NELL2: variants seen among roughly 807,000 people sequenced by gnomAD.
NELL2 encodes neural EGFL like 2, also known as protein kinase C-binding protein NELL2.
In NELL2, 41 loss-of-function variants were observed where a neutral mutation model predicts 109.6. The ratio of observed to expected loss-of-function variants is 0.37; its 90% CI spans 0.29 to 0.49. The LOEUF is 0.49. Ranked by LOEUF, NELL2 falls within the 20% of genes least tolerant of loss-of-function variation. The pLI is 0.98. For synonymous variants in NELL2, 355 were observed against 344.7 expected, an observed-to-expected ratio of 1.03 and a Z score of -0.33; for missense variants, 900 against 1,008.3, an observed-to-expected ratio of 0.89 and a Z score of 1.45.
chr12:44,570,523 T>A (rs138129719), intron 15 of NELL2, among the ~76,000 whole-genome samples: 10 of 152,324 alleles, frequency 6.6e-5, no homozygotes, highest in Non-Finnish European at 2.9e-5. Context: ...GATGTATGCA[T>A]CAATCCTTTT....
chr12:44,904,141 ACT>A (rs1945694121), intron 1 of NELL2, among the ~76,000 whole-genome samples: 1 of 152,040 alleles, frequency 6.6e-6, no homozygotes, highest in Admixed American at 6.6e-5. Flanking sequence ...AATGTCTATG[ACT>A]CTTTTGGATC....
At chr12:44,699,691 T>C (rs1477395268) in intron 12 of NELL2, among the ~76,000 whole-genome samples, 4 of 152,166 alleles carry the variant, frequency 2.6e-5, no homozygotes, top group Non-Finnish European at 5.9e-5. Flanking sequence ...TCACTATTGC[T>C]GTCCTCAATG....
At chr12:44,590,934 C>A (rs560635008) in intron 15 of NELL2, among the ~76,000 whole-genome samples, 13 of 148,338 alleles carry the variant, frequency 8.8e-5, no homozygotes, top group South Asian at 4.3e-4. Flanking sequence ...CAGAAAAAAA[C>A]CAAATACTCC....
chr12:44,545,820 C>T (rs1234305503), intron 15 of NELL2, among the ~76,000 whole-genome samples: 4 of 152,102 alleles, frequency 2.6e-5, no homozygotes, highest in Non-Finnish European at 5.9e-5. Flanking sequence ...ATTAAGTAGA[C>T]TGCTCTTAAT....
At position 44,508,698 on chromosome 12, in the gene NELL2, T is replaced by C. The variant is rs533405585; in HGVS notation, c.*236A>G. 1 of 520,956 alleles carries C rather than the reference T, an allele frequency of 1.9e-6. No homozygotes were observed. The highest frequency in any genetic ancestry group is 1.9e-5 in the African/African-American group (1 of 51,508). The allele number at this position is 520,956 out of a possible 1,614,324, so 32.3% of individuals were successfully genotyped here. A position where few individuals can be genotyped will look rare whatever the true frequency, so the allele number is the denominator to read the frequency against. On this transcript the variant is annotated 3_prime_UTR_variant, in exon 20 of 20. Transcript: ENST00000429094. ...CACGGTATATACTGTACGCCCATTC[T>C]TCTACATGGTGATGTGAGACACAGT... is the stretch of plus-strand genomic sequence containing the variant.
At chr12:44,664,409 T>A (rs1947851830) in intron 13 of NELL2, among the ~76,000 whole-genome samples, 1 of 152,080 alleles carries the variant, frequency 6.6e-6, no homozygotes, top group Non-Finnish European at 1.5e-5. Flanking sequence ...CATCATTTTG[T>A]TTTTATAAAT....
At chr12:44,571,994 T>C (rs146566279) in intron 15 of NELL2, among the ~76,000 whole-genome samples, 23 of 152,278 alleles carry the variant, frequency 1.5e-4, no homozygotes, top group African/African-American at 5.5e-4. Flanking sequence ...AGAGAAATCA[T>C]AGCAAAACGT....
intron 12 of NELL2, among the ~76,000 whole-genome samples, chr12:44,672,491 C>T (rs1055345605): frequency 6.6e-6 from 1 of 152,168 alleles, no homozygotes; most frequent in Admixed American, 6.5e-5. Context: ...AATTGTGTTC[C>T]ACAAAACCAG....
intron 2 of NELL2, among the ~76,000 whole-genome samples, chr12:44,867,690 C>T (rs571127215): frequency 6.6e-6 from 1 of 152,274 alleles, no homozygotes; most frequent in Non-Finnish European, 1.5e-5. Flanking sequence ...TAACTTATCC[C>T]TGCTTGCATT....
intron 2 of NELL2, among the ~76,000 whole-genome samples, chr12:44,841,344 C>T (rs1374927201): frequency 6.6e-6 from 1 of 152,192 alleles, no homozygotes; most frequent in East Asian, 1.9e-4. Flanking sequence ...AAGAATCTAA[C>T]TAACTGGCAA....
chr12:44,836,987 C>T (rs574084584), intron 2 of NELL2, among the ~76,000 whole-genome samples: 11 of 152,200 alleles, frequency 7.2e-5, no homozygotes, highest in South Asian at 4.2e-4. Context: ...CGACCACTAC[C>T]GTCATAAACA....
chr12:44,911,567 A>G (rs1274559015), intron 1 of NELL2, among the ~76,000 whole-genome samples: 1 of 151,986 alleles, frequency 6.6e-6, no homozygotes, highest in Non-Finnish European at 1.5e-5. Context: ...CAAAATTCGT[A>G]TGGGCATCTG....
intron 1 of NELL2, chr12:44,881,942 T>A (rs1448018418): frequency 6.6e-6 from 1 of 151,860 alleles, no homozygotes. Flanking sequence ...TTTGAATGAA[T>A]GCAAACCATG....
At position 44,530,099 on chromosome 12, in the gene NELL2, G is replaced by A. The variant is rs186937230; in HGVS notation, c.1804+2482C>T. The stretch of plus-strand genomic sequence containing the variant: ...AGGATGAGATGCAAGATACAATGAT[G>A]AGTTTGATTTTTGATAGGAGCAGGG... On this transcript the variant is annotated intron_variant, in intron 16 of 19. Coordinates refer to ENST00000429094, the MANE Select transcript of NELL2 (RefSeq NM_001145108.2). Among the ~76,000 whole-genome samples, 370 of 152,284 alleles carry A rather than the reference G, an allele frequency of 2.4e-3. 1 individual carries two copies. The highest frequency in any genetic ancestry group is 4.4e-3 in the Non-Finnish European group (299 of 68,012).
chr12:44,659,340 AC>A (rs1171773307), intron 13 of NELL2, among the ~76,000 whole-genome samples: 1 of 152,236 alleles, frequency 6.6e-6, no homozygotes, highest in Non-Finnish European at 1.5e-5. Flanking sequence ...GCCAAAATTG[AC>A]AAATGGGGTC....
intron 3 of NELL2, among the ~76,000 whole-genome samples, chr12:44,784,346 G>T (rs61930960): frequency 2.0e-5 from 3 of 151,600 alleles, no homozygotes; most frequent in Non-Finnish European, 4.4e-5. Flanking sequence ...AAAAGGAAAA[G>T]GAAAAGAAAG....
intron 2 of NELL2, among the ~76,000 whole-genome samples, chr12:44,827,167 T>C (rs552963269): frequency 6.9e-4 from 105 of 152,232 alleles, no homozygotes; most frequent in African/African-American, 2.3e-3. Flanking sequence ...AAAAATTATG[T>C]GGATCCAAGG....
At chr12:44,623,594 C>T (rs1269300194) in intron 13 of NELL2, among the ~76,000 whole-genome samples, 2 of 152,038 alleles carry the variant, frequency 1.3e-5, no homozygotes, top group Admixed American at 6.6e-5. Context: ...CACTGTGCCT[C>T]ACAGAGGGGA....
Position 44,875,843 on chromosome 12 carries a change from T to C in NELL2, c.27A>G (p.Thr9=). MESRVLLR[T]FCLIFGLGAV... is the part of the protein sequence containing the mutation. ...CTCCGAGACCGAAGATCAAACAGAA[T>C]GTTCTCAGTAAGACCCGAGACTCCA... The change falls in exon 1 of 20, where the codon ACA becomes ACG. Residue 9 remains threonine (T), a synonymous_variant. Coordinates refer to ENST00000429094, the MANE Select transcript of NELL2 (RefSeq NM_001145108.2). 2 of 1,613,854 alleles carry C rather than the reference T, an allele frequency of 1.2e-6. No homozygotes were observed. The highest frequency in any genetic ancestry group is 1.1e-5 in the South Asian group (1 of 91,062).
Sources: gnomAD v4.1 joint callset for allele counts (sites outside exome capture counted in the v4.1 genomes callset) on GRCh38, gnomAD v4.1.1 for gene constraint, MANE v1.5 for transcripts, NCBI Gene and HGNC (gene_info 2026-07-23, HGNC 2026-07-21) for gene names.